LIMS2: variants seen among roughly 807,000 people sequenced by gnomAD.
LIMS2 encodes LIM and senescent cell antigen-like-containing domain protein 2.
A neutral mutation model predicts 45.3 loss-of-function variants in LIMS2; 30 were observed. That is an observed-to-expected ratio of 0.66 (90% CI 0.50 to 0.90). The LOEUF is 0.90. LIMS2 is among the 40% of genes least tolerant of loss of function. The pLI is 0.00. For missense variants in LIMS2, 485 were observed against 468.7 expected (o/e 1.03, Z -0.32); for synonymous variants, 173 against 188.0 (o/e 0.92, Z 0.65).
chr2:127,665,680 T>C (rs927045949), intron 1 of LIMS2, among the ~76,000 whole-genome samples: 6 of 152,184 alleles, frequency 3.9e-5, no homozygotes, highest in Non-Finnish European at 7.3e-5. Flanking sequence ...TAAGAAAACT[T>C]ACACCGAAAA....
Position 127,647,856 on chromosome 2 carries a change from G to A in LIMS2, c.360-4784C>T, listed in dbSNP as rs2105243558. Reference sequence around the variant, plus strand: ...GCAACACGACACCCTCAAAGTCATGGGCCCCCCTCCCCTGCCACCGTCCCA... The same window carrying A: ...GCAACACGACACCCTCAAAGTCATGAGCCCCCCTCCCCTGCCACCGTCCCA... On this transcript the variant is annotated intron_variant, in intron 4 of 9. Transcript: ENST00000355119. This position sits in a 1 kb window ranked among gnomAD's most constrained non-coding sequence, Gnocchi z 4.3. Among the ~76,000 whole-genome samples, 1 of 152,032 alleles carries A rather than the reference G, an allele frequency of 6.6e-6. No homozygotes were observed. Among genetic ancestry groups the A allele is most frequent in the African/African-American group, 2.4e-5 (1 of 41,474 alleles).
intron 1 of LIMS2, among the ~76,000 whole-genome samples, chr2:127,670,507 AC>A (rs1477002601): frequency 6.6e-6 from 1 of 152,224 alleles, no homozygotes; most frequent in Non-Finnish European, 1.5e-5. Flanking sequence ...GCAAATGAGT[AC>A]AAGGTTTCTT....
chr2:127,639,229 A>G lies in LIMS2; in HGVS notation c.*52T>C, dbSNP rs946057878. 1 of 1,595,944 alleles carries G rather than the reference A, an allele frequency of 6.3e-7. No individual in the cohort carries two copies. Reference sequence around the variant, plus strand: ...GGGGACGAGGGGGCCAAGCATGGACAGCAGGAGGGGAGAAGGCGGAGGGGC... The same window carrying G: ...GGGGACGAGGGGGCCAAGCATGGACGGCAGGAGGGGAGAAGGCGGAGGGGC... On this transcript the variant is annotated 3_prime_UTR_variant, in exon 10 of 10. Transcript: ENST00000355119.
chr2:127,652,063 C>T lies in LIMS2; in HGVS notation c.359+2361G>A, dbSNP rs576436283. 7.7e-5 allele frequency: 29 copies of T among 375,486 alleles called. No individual in the cohort carries two copies. In the East Asian group the frequency reaches 1.1e-3, roughly 14 times the overall value. The allele number at this position is 375,486 out of a possible 1,614,324, so 23.3% of individuals were successfully genotyped here. Reference sequence around the variant, plus strand: ...CTGAACAATGGAGGCCTTTCTTTCCCGCTAGGCTCCCAGCCTCCTTCCCGC... The same window carrying T: ...CTGAACAATGGAGGCCTTTCTTTCCTGCTAGGCTCCCAGCCTCCTTCCCGC... On this transcript the variant is annotated intron_variant, in intron 4 of 9. Transcript: ENST00000355119.
At chr2:127,655,331 A>C (rs920353422) in intron 2 of LIMS2, 4 of 215,146 alleles carry the variant, frequency 1.9e-5, no homozygotes, top group Admixed American at 5.2e-5. Context: ...TAGGAGACAG[A>C]AGGAAGGGAA....
chr2:127,662,151 C>T (rs1465847784), intron 1 of LIMS2, among the ~76,000 whole-genome samples: 1 of 152,176 alleles, frequency 6.6e-6, no homozygotes, highest in Admixed American at 6.5e-5. Flanking sequence ...GGCCCCGACG[C>T]CCCCTGTCTG....
chr2:127,671,517 G>A lies in LIMS2; in HGVS notation c.11+3497C>T, dbSNP rs145570010. The stretch of plus-strand genomic sequence containing the variant: ...ATAACCCGCTGTGGATAGAAAGCCC[G>A]GGCTCCTCTCCCCAGTGGCTCCCTG... On this transcript the variant is annotated intron_variant, in intron 1 of 9. Transcript: ENST00000355119. The surrounding 1 kb of genome is among the most constrained non-coding windows in gnomAD (Gnocchi z 4.1). Among the ~76,000 whole-genome samples, 1,287 of 152,182 alleles carry A rather than the reference G, an allele frequency of 8.5e-3. 63 individuals carry two copies. The highest frequency in any genetic ancestry group is 0.078 in the Admixed American group (1,187 of 15,290).
chr2:127,666,960 T>A (rs907318557), intron 1 of LIMS2, among the ~76,000 whole-genome samples: 1 of 152,208 alleles, frequency 6.6e-6, no homozygotes, highest in Non-Finnish European at 1.5e-5. Context: ...CAATTCAAGA[T>A]GAGATTTAGT....
Position 127,667,181 on chromosome 2 carries a change from C to T in LIMS2, c.11+7833G>A, listed in dbSNP as rs563388712. ...TGGCACATGCCTATAATCCCAGCTA[C>T]TCAGGAGGCTGAGGCAGGAGAATCA... On this transcript the variant is annotated intron_variant, in intron 1 of 9. Coordinates refer to ENST00000355119, the MANE Select transcript of LIMS2 (RefSeq NM_001161403.3). This position sits in a 1 kb window ranked among gnomAD's most constrained non-coding sequence, Gnocchi z 4.1. Among the ~76,000 whole-genome samples the T allele has an allele frequency of 5.9e-5, 9 of 152,336 alleles. No individual in the cohort carries two copies. Among genetic ancestry groups the T allele is most frequent in the South Asian group, 4.1e-4 (2 of 4,828 alleles).
At chr2:127,662,250 T>G (rs1684718654) in intron 1 of LIMS2, among the ~76,000 whole-genome samples, 1 of 152,094 alleles carries the variant, frequency 6.6e-6, no homozygotes, top group Non-Finnish European at 1.5e-5. Context: ...GTTGGGAGGG[T>G]TCAGTGAGGC....
chr2:127,651,505 T>G, intron 4 of LIMS2: 1 of 1,612,798 alleles, frequency 6.2e-7, no homozygotes, highest in East Asian at 2.2e-5. Flanking sequence ...AACCGCTCCG[T>G]CTACGTGCTG....
Position 127,675,054 on chromosome 2 carries a change from C to A in LIMS2, c.-30G>T. ...GCAGCGACGCCGAGCCCTGGGTTGCCGGGGTTGCCGCGGGTCTCCCTCTGC... is the reference window on the plus strand; with the variant it reads ...GCAGCGACGCCGAGCCCTGGGTTGCAGGGGTTGCCGCGGGTCTCCCTCTGC... On this transcript the variant is annotated 5_prime_UTR_variant, in exon 1 of 10. Coordinates refer to ENST00000355119, the MANE Select transcript of LIMS2 (RefSeq NM_001161403.3). 9.8e-6 allele frequency: 10 copies of A among 1,025,592 alleles called. No individual in the cohort carries two copies. The highest frequency in any genetic ancestry group is 4.5e-5 in the South Asian group (1 of 22,198). The allele number at this position is 1,025,592 out of a possible 1,614,324, so 63.5% of individuals were successfully genotyped here. A position where few individuals can be genotyped will look rare whatever the true frequency, so the allele number is the denominator to read the frequency against.
rs2105242946 is a variant in LIMS2, at chr2:127,647,767, C to T, written c.360-4695G>A. 6.6e-6 allele frequency among the ~76,000 whole-genome samples: 1 copy of T among 152,220 alleles called. No individual in the cohort carries two copies. Among genetic ancestry groups the T allele is most frequent in the Admixed American group, 6.5e-5 (1 of 15,298 alleles). Reference sequence around the variant, plus strand: ...CATCTACCATGGGCTGTCCTCTCTGCTTGCCCATGCGTCTGCCCTGGAGCC... The same window carrying T: ...CATCTACCATGGGCTGTCCTCTCTGTTTGCCCATGCGTCTGCCCTGGAGCC... On this transcript the variant is annotated intron_variant, in intron 4 of 9. Coordinates refer to ENST00000355119, the MANE Select transcript of LIMS2 (RefSeq NM_001161403.3). This position sits in a 1 kb window ranked among gnomAD's most constrained non-coding sequence, Gnocchi z 4.3.
rs1020723856 is a variant in LIMS2, at chr2:127,667,992, T to C, written c.11+7022A>G. ...ACAGATAAGAAATGAGTTCAGTAAG[T>C]CTGCAAGGTATACACTCAATATACC... On this transcript the variant is annotated intron_variant, in intron 1 of 9. Transcript: ENST00000355119. This position sits in a 1 kb window ranked among gnomAD's most constrained non-coding sequence, Gnocchi z 4.1. 7.9e-5 allele frequency among the ~76,000 whole-genome samples: 12 copies of C among 152,308 alleles called. No homozygotes were observed. The East Asian group carries it at 2.3e-3, about 29-fold the overall frequency.
At chr2:127,639,974 G>A in intron 9 of LIMS2, 96 bp downstream of exon 9, 1 of 1,312,188 alleles carries the variant, frequency 7.6e-7, no homozygotes, top group Non-Finnish European at 1.1e-6. Context: ...ATATCCCCAG[G>A]CCAGACTCAG....
chr2:127,672,213 TG>T lies in LIMS2; in HGVS notation c.11+2800del, dbSNP rs1280162175. ...AGGGACAGCTGGGTCCCTAGGTAGG[TG>T]GCCTTAATATCCTCCCTGTAGAACA... On this transcript the variant is annotated intron_variant, in intron 1 of 9. Coordinates refer to ENST00000355119, the MANE Select transcript of LIMS2 (RefSeq NM_001161403.3). The surrounding 1 kb of genome is among the most constrained non-coding windows in gnomAD (Gnocchi z 4.9). Among the ~76,000 whole-genome samples, 1 of 152,144 alleles carries T rather than the reference TG, an allele frequency of 6.6e-6. No individual in the cohort carries two copies. The highest frequency in any genetic ancestry group is 1.5e-5 in the Non-Finnish European group (1 of 68,028).
At chr2:127,659,274 G>A (rs193103075) in intron 1 of LIMS2, among the ~76,000 whole-genome samples, 44 of 152,320 alleles carry the variant, frequency 2.9e-4, no homozygotes, top group African/African-American at 9.9e-4. Flanking sequence ...TGCCCTCTGG[G>A]GTGCTTAGGA....
Position 127,662,641 on chromosome 2 carries a change from TGGGGGGTGGGGGGTGGGGGGA to T in LIMS2, c.12-5100_12-5080del, listed in dbSNP as rs1413556545. On this transcript the variant is annotated intron_variant, in intron 1 of 9. Coordinates refer to ENST00000355119, the MANE Select transcript of LIMS2 (RefSeq NM_001161403.3). Reference sequence around the variant, plus strand: ...CCAGAGGCTCTTGTGGGGTGGGGGGTGGGGGGTGGGGGGTGGGGGGAGGGATAGCATTAGGAGATATACCTA... The same window carrying T: ...CCAGAGGCTCTTGTGGGGTGGGGGGTGGGATAGCATTAGGAGATATACCTA... Among the ~76,000 whole-genome samples the T allele has an allele frequency of 2.0e-3, 13 of 6,358 alleles. No homozygotes were observed. In the South Asian group the frequency reaches 0.071, roughly 35 times the overall value. 4.2% of individuals were successfully genotyped at this position (6,358 alleles called of 152,430 possible).
chr2:127,649,892 C>T (rs971728784), intron 4 of LIMS2: 96 of 813,438 alleles, frequency 1.2e-4, no homozygotes, highest in Middle Eastern at 5.1e-4. Context: ...ATGGGTCTTC[C>T]CCTCCTGGAA....
Sources: gnomAD v4.1 joint callset for allele counts (sites outside exome capture counted in the v4.1 genomes callset) on GRCh38, gnomAD v4.1.1 for gene constraint, Gnocchi (gnomAD v3.1) non-coding constraint, MANE v1.5 for transcripts, NCBI Gene and HGNC (gene_info 2026-07-23, HGNC 2026-07-21) for gene names.